TEX11: variants seen among roughly 807,000 people sequenced by gnomAD.
TEX11 encodes testis expressed 11.
In TEX11, 7 loss-of-function variants were observed where a neutral mutation model predicts 84.4. The observed-to-expected ratio is 0.08, with a 90% CI of 0.05 to 0.16. The LOEUF is 0.16. Ranked by LOEUF, TEX11 falls within the 10% of genes least tolerant of loss-of-function variation. The pLI, the probability that TEX11 is intolerant of heterozygous loss-of-function variation, is 1.00. For missense variants in TEX11, 551 were observed against 660.5 expected, an observed-to-expected ratio of 0.83 and a Z score of 1.82; for synonymous variants, 264 against 222.8, an observed-to-expected ratio of 1.18 and a Z score of -1.64.
intron 16 of TEX11, among the ~76,000 whole-genome samples, chrX:70,660,686 T>C (rs2089916157): frequency 8.9e-6 from 1 of 111,938 alleles, no homozygotes; most frequent in Non-Finnish European, 1.9e-5. Flanking sequence ...GAAGGACCTG[T>C]CTGAGGCTGT....
intron 9 of TEX11, among the ~76,000 whole-genome samples, chrX:70,762,536 G>T (rs1741580466): frequency 1.8e-5 from 2 of 110,746 alleles, no homozygotes; most frequent in Admixed American, 1.9e-4. Flanking sequence ...TATCATAGGA[G>T]CACGAACCCT....
At chrX:70,848,645 T>G (rs1300152682) in intron 7 of TEX11, among the ~76,000 whole-genome samples, 2 of 111,983 alleles carry the variant, frequency 1.8e-5, no homozygotes, top group Non-Finnish European at 1.9e-5. Flanking sequence ...ATTTACATAA[T>G]ATATATTATA....
chrX:70,853,266 A>G lies in TEX11; in HGVS notation c.387T>C (p.Cys129=), dbSNP rs200290442. ...AACTTACGGCCACAGCAGCTTGAAA[A>G]CATTCATCAGCGATTAGAAAATTTC... The part of the protein sequence containing the change: ...DAGNFLIADE[C]FQAAVASLEQ... Residue 129 remains cysteine (C), a synonymous_variant, in exon 6 of 30, where the codon TGT becomes TGC. Coordinates refer to ENST00000374333, the MANE Select transcript of TEX11 (RefSeq NM_031276.3). 2.5e-6 allele frequency: 3 copies of G among 1,208,996 alleles called. No homozygotes were observed. Among genetic ancestry groups the G allele is most frequent in the Admixed American group, 4.4e-5 (2 of 45,685 alleles).
At chrX:70,675,874 C>T (rs1057289042) in intron 15 of TEX11, among the ~76,000 whole-genome samples, 6 of 111,760 alleles carry the variant, frequency 5.4e-5, no homozygotes, top group Non-Finnish European at 1.1e-4. Flanking sequence ...AAGTGATCCA[C>T]CCGCCTTGGC....
intron 28 of TEX11, among the ~76,000 whole-genome samples, chrX:70,540,214 G>A (rs773477884): frequency 1.8e-5 from 2 of 112,519 alleles, no homozygotes; most frequent in East Asian, 5.6e-4. Flanking sequence ...TGCCAACACT[G>A]AGATGACAGA....
chrX:70,725,214 T>C (rs2090590494), intron 12 of TEX11, 48 bp downstream of exon 12: 1 of 875,773 alleles, frequency 1.1e-6, no homozygotes, highest in African/African-American at 2.0e-5. Flanking sequence ...TTTAACAAAT[T>C]GTAGTGATGT....
chrX:70,765,924 G>T (rs760144283), intron 9 of TEX11, among the ~76,000 whole-genome samples: 1 of 112,389 alleles, frequency 8.9e-6, no homozygotes, highest in Admixed American at 9.4e-5. Context: ...TGATTTAAAA[G>T]TTCAGTAAAG....
chrX:70,683,249 T>C (rs1354127201), intron 13 of TEX11, among the ~76,000 whole-genome samples: 1 of 112,291 alleles, frequency 8.9e-6, no homozygotes, highest in Non-Finnish European at 1.9e-5. Context: ...TATTTAAAAA[T>C]GTAAACAGTT....
chrX:70,565,250 GTT>G (rs749188458), intron 25 of TEX11, among the ~76,000 whole-genome samples: 6 of 104,400 alleles, frequency 5.7e-5, no homozygotes, highest in African/African-American at 2.1e-4. Context: ...TTTTGATGGG[GTT>G]TTTTTTTTTC....
intron 28 of TEX11, among the ~76,000 whole-genome samples, chrX:70,545,120 G>T (rs779394313): frequency 9.3e-6 from 1 of 107,688 alleles, no homozygotes; most frequent in Non-Finnish European, 1.9e-5. Context: ...CAGGAAAACT[G>T]CTTGAACCCG....
At chrX:70,757,420 C>T (rs1228033467) in intron 9 of TEX11, among the ~76,000 whole-genome samples, 2 of 112,113 alleles carry the variant, frequency 1.8e-5, no homozygotes, top group Non-Finnish European at 3.8e-5. Context: ...AATAGCGGAT[C>T]TCTCAGCACA....
intron 24 of TEX11, among the ~76,000 whole-genome samples, chrX:70,602,078 G>A (rs1238002678): frequency 5.4e-5 from 6 of 111,277 alleles, no homozygotes; most frequent in African/African-American, 1.6e-4. Context: ...GGTCCTGGCC[G>A]GGCAGAGGGG....
chrX:70,830,188 C>T lies in TEX11; in HGVS notation c.606+3325G>A, dbSNP rs1022688066. On this transcript the variant is annotated intron_variant, in intron 8 of 29. Coordinates refer to ENST00000374333, the MANE Select transcript of TEX11 (RefSeq NM_031276.3). ...GATGGAAAAAGATATTCCATGACAA[C>T]GGAAACCACGAAAGAGCAGGAGTAC... Among the ~76,000 whole-genome samples, 5 of 111,194 alleles carry T rather than the reference C, an allele frequency of 4.5e-5. No individual in the cohort carries two copies. The East Asian group carries it at 1.1e-3, about 25-fold the overall frequency.
chrX:70,767,734 G>A (rs1013716412), intron 9 of TEX11, among the ~76,000 whole-genome samples: 1 of 111,832 alleles, frequency 8.9e-6, no homozygotes, highest in African/African-American at 3.2e-5. Flanking sequence ...AAGTATCCAC[G>A]GATAGATGAA....
At chrX:70,828,678 G>A (rs1004922019) in intron 8 of TEX11, among the ~76,000 whole-genome samples, 5 of 110,433 alleles carry the variant, frequency 4.5e-5, no homozygotes, top group African/African-American at 9.9e-5. Context: ...AAGTTTATTC[G>A]AAGAGATAAT....
At chrX:70,670,718 T>C (rs1285659690) in intron 15 of TEX11, among the ~76,000 whole-genome samples, 1 of 111,864 alleles carries the variant, frequency 8.9e-6, no homozygotes, top group African/African-American at 3.2e-5. Flanking sequence ...CAGTATTCTT[T>C]CTTTTTCCTA....
At chrX:70,888,297 G>C (rs919676482) in intron 2 of TEX11, among the ~76,000 whole-genome samples, 1 of 112,693 alleles carries the variant, frequency 8.9e-6, no homozygotes, top group Non-Finnish European at 1.9e-5. Flanking sequence ...CAAAATAGCT[G>C]TGTTGAGGAA....
chrX:70,680,406 C>T (rs1440499534), intron 14 of TEX11, among the ~76,000 whole-genome samples: 1 of 86,968 alleles, frequency 1.1e-5, no homozygotes, highest in Non-Finnish European at 2.2e-5. Flanking sequence ...GAGTCATCAC[C>T]ACTCCCTAAT....
chrX:70,633,569 G>C (rs966641322), intron 17 of TEX11, among the ~76,000 whole-genome samples: 2 of 111,930 alleles, frequency 1.8e-5, no homozygotes, highest in Non-Finnish European at 3.8e-5. Context: ...ATTGCACCCA[G>C]ATTGAAAAAG....
Sources: gnomAD v4.1 joint callset for allele counts (sites outside exome capture counted in the v4.1 genomes callset) on GRCh38, gnomAD v4.1.1 for gene constraint, MANE v1.5 for transcripts, NCBI Gene and HGNC (gene_info 2026-07-23, HGNC 2026-07-21) for gene names.